Variants in AMPH observed in about 807,000 individuals in gnomAD.
The protein encoded by AMPH is amphiphysin.
Under a neutral mutation model 99.1 loss-of-function variants are expected in AMPH, and 49 were observed. The observed-to-expected ratio is 0.49, with a 90% CI of 0.39 to 0.63. AMPH has a LOEUF of 0.63. AMPH is among the 20% of genes least tolerant of loss of function. The pLI, the probability that AMPH is intolerant of heterozygous loss-of-function variation, is 0.00. For missense variants in AMPH, 759 were observed against 863.4 expected, an observed-to-expected ratio of 0.88 and a Z score of 1.52; for synonymous variants, 314 against 317.3, an observed-to-expected ratio of 0.99 and a Z score of 0.11.
chr7:38,441,819 CATA>C (rs1562757570), intron 11 of AMPH, among the ~76,000 whole-genome samples: 36 of 70,646 alleles, frequency 5.1e-4, no homozygotes, highest in African/African-American at 1.1e-3. Flanking sequence ...TCATATATAT[CATA>C]TATCATATAT....
chr7:38,497,630 T>C (rs1329861340), intron 3 of AMPH, among the ~76,000 whole-genome samples: 1 of 152,170 alleles, frequency 6.6e-6, no homozygotes, highest in Non-Finnish European at 1.5e-5. Flanking sequence ...TAAATTACGA[T>C]GATAACAAGC....
Position 38,466,203 on chromosome 7 carries a change from A to G in AMPH, c.636T>C (p.Leu212=). The part of the protein sequence containing the change: ...YVNTFKNVSS[L]EAKFHKEIAV... ...CAATTTCCTTATGAAACTTGGCTTC[A>G]AGGCTGGAGACGTTTTTGAAAGTAT... The change falls in exon 8 of 21, where the codon CTT becomes CTC. Residue 212 remains leucine (L), a synonymous_variant. Coordinates refer to ENST00000356264, the MANE Select transcript of AMPH (RefSeq NM_001635.4). The G allele has an allele frequency of 6.3e-7, 1 of 1,596,494 alleles. No individual in the cohort carries two copies. Among genetic ancestry groups the G allele is most frequent in the Non-Finnish European group, 8.5e-7 (1 of 1,175,054 alleles).
In AMPH at chr7:38,456,866, A is replaced by G. The variant is rs1787254940; in HGVS notation, c.1017+4417T>C. On this transcript the variant is annotated intron_variant, in intron 11 of 20. Transcript: ENST00000356264. The stretch of plus-strand genomic sequence containing the variant: ...AAGCACAAGCAATGCTCAGTCTACC[A>G]CTGCCTCCACTGGGGCCCAAAGACT... 5.3e-5 allele frequency among the ~76,000 whole-genome samples: 8 copies of G among 152,298 alleles called. No individual in the cohort carries two copies. In the South Asian group the frequency reaches 1.7e-3, roughly 32 times the overall value.
At chr7:38,441,790 C>CATATATATGATAG (rs1230793392) in intron 11 of AMPH, among the ~76,000 whole-genome samples, 1 of 71,994 alleles carries the variant, frequency 1.4e-5, no homozygotes, top group African/African-American at 6.1e-5. Flanking sequence ...ATATATCTGT[C>CATATATATGATAG]ATATATATCA....
intron 12 of AMPH, 116 bp from the exon 13 acceptor site, chr7:38,432,328 T>A (rs1321962062): frequency 1.1e-6 from 1 of 918,298 alleles, no homozygotes; most frequent in Non-Finnish European, 1.7e-6. Context: ...TGTACAGTAC[T>A]GTTCAATAAA....
At chr7:38,487,310 G>A (rs1027100530) in intron 5 of AMPH, among the ~76,000 whole-genome samples, 5 of 151,954 alleles carry the variant, frequency 3.3e-5, no homozygotes, top group African/African-American at 7.2e-5. Flanking sequence ...GCATTGTACC[G>A]GTACCAAAAG....
At chr7:38,420,932 AG>A in intron 16 of AMPH, 2 of 456,462 alleles carry the variant, frequency 4.4e-6, no homozygotes, top group Non-Finnish European at 8.8e-6. Flanking sequence ...ATAGTCAATG[AG>A]CCAAACACTG....
At chr7:38,553,957 A>G (rs1224370166) in intron 1 of AMPH, among the ~76,000 whole-genome samples, 4 of 152,236 alleles carry the variant, frequency 2.6e-5, no homozygotes, top group African/African-American at 9.6e-5. Flanking sequence ...GGGGCTCTTT[A>G]AGCATCACTA....
intron 16 of AMPH, chr7:38,420,925 G>A: frequency 2.2e-6 from 1 of 456,400 alleles, no homozygotes; most frequent in Non-Finnish European, 4.4e-6. Context: ...GCTCAGAATA[G>A]TCAATGAGCC....
At chr7:38,387,746 A>C (rs1226648624) in intron 20 of AMPH, among the ~76,000 whole-genome samples, 1 of 151,788 alleles carries the variant, frequency 6.6e-6, no homozygotes, top group African/African-American at 2.4e-5. Context: ...TTAGGTTACA[A>C]GTCTAAGGAT....
At chr7:38,394,308 G>A (rs1784603065) in intron 17 of AMPH, 94 bp from the exon 18 acceptor site, 2 of 1,320,934 alleles carry the variant, frequency 1.5e-6, no homozygotes, top group South Asian at 1.3e-5. Context: ...CCTCTGTGGA[G>A]GCTATTCAGA....
intron 16 of AMPH, among the ~76,000 whole-genome samples, chr7:38,420,048 A>C (rs1230557168): frequency 6.6e-6 from 1 of 152,206 alleles, no homozygotes; most frequent in Non-Finnish European, 1.5e-5. Flanking sequence ...TCTAGTATAA[A>C]GAGAACATAG....
chr7:38,443,962 T>C (rs1195078218), intron 11 of AMPH, among the ~76,000 whole-genome samples: 2 of 151,734 alleles, frequency 1.3e-5, no homozygotes, highest in Non-Finnish European at 2.9e-5. Flanking sequence ...ACAAAAAAGC[T>C]ATAGAAACTA....
intron 3 of AMPH, among the ~76,000 whole-genome samples, chr7:38,495,055 G>A (rs1218905980): frequency 2.0e-5 from 3 of 152,114 alleles, no homozygotes; most frequent in Non-Finnish European, 4.4e-5. Context: ...GTTTTAAGTG[G>A]CCTAAAATTT....
At chr7:38,505,090 GC>G in intron 2 of AMPH, among the ~76,000 whole-genome samples, 1 of 152,156 alleles carries the variant, frequency 6.6e-6, no homozygotes, top group South Asian at 2.1e-4. Flanking sequence ...CAAAACAATT[GC>G]ACTGCAAGGC....
At chr7:38,394,648 G>A (rs1167703181) in intron 17 of AMPH, among the ~76,000 whole-genome samples, 1 of 152,174 alleles carries the variant, frequency 6.6e-6, no homozygotes, top group Non-Finnish European at 1.5e-5. Flanking sequence ...CTTGGGAACG[G>A]AGTCACACGA....
At chr7:38,621,639 AATT>A (rs1035700597) in intron 1 of AMPH, among the ~76,000 whole-genome samples, 2 of 152,150 alleles carry the variant, frequency 1.3e-5, no homozygotes, top group African/African-American at 4.8e-5. Flanking sequence ...TAATTTGTTA[AATT>A]ATTATATATT....
chr7:38,389,133 T>C (rs1459867629), intron 20 of AMPH, among the ~76,000 whole-genome samples: 1 of 152,218 alleles, frequency 6.6e-6, no homozygotes, highest in Non-Finnish European at 1.5e-5. Flanking sequence ...TCTTTGAGAA[T>C]AGTATGGAAG....
chr7:38,603,932 T>C (rs1346035772), intron 1 of AMPH, among the ~76,000 whole-genome samples: 1 of 152,256 alleles, frequency 6.6e-6, no homozygotes, highest in African/African-American at 2.4e-5. Context: ...CATGTGACTG[T>C]GTAATTCAAC....
Sources: allele counts gnomAD v4.1 joint callset (sites outside exome capture counted in the v4.1 genomes callset), GRCh38; gene constraint gnomAD v4.1.1; transcripts MANE v1.5; gene names NCBI Gene and HGNC (gene_info 2026-07-23, HGNC 2026-07-21).